The following MAMDC2 variants were observed in gnomAD, a reference collection of about 807,000 sequenced individuals.
MAMDC2 encodes MAM domain containing 2, also known as MAM domain-containing protein 2.
A neutral mutation model predicts 89.8 loss-of-function variants in MAMDC2; 57 were observed. That is an observed-to-expected ratio of 0.63 (90% CI 0.51 to 0.79). The LOEUF (loss-of-function observed/expected upper bound fraction) is 0.79. MAMDC2 is among the 30% of genes least tolerant of loss of function. MAMDC2 has a pLI of 0.00. For synonymous variants in MAMDC2, 313 were observed against 293.4 expected (o/e 1.07, Z -0.68); for missense variants, 800 against 820.6 (o/e 0.97, Z 0.31).
chr9:70,063,255 A>C (rs1827189304), intron 2 of MAMDC2: 1 of 152,238 alleles, frequency 6.6e-6, no homozygotes, highest in Non-Finnish European at 1.5e-5. Context: ...TCTGTCTCAA[A>C]AGAAAAAAAA....
At chr9:70,139,278 C>G (rs1475424189) in intron 7 of MAMDC2, among the ~76,000 whole-genome samples, 1 of 107,212 alleles carries the variant, frequency 9.3e-6, no homozygotes, top group Non-Finnish European at 1.9e-5. Flanking sequence ...CCCCTCCCCC[C>G]ACCCCACAAC....
intron 11 of MAMDC2, among the ~76,000 whole-genome samples, chr9:70,208,198 A>G (rs1341007131): frequency 1.3e-5 from 2 of 152,196 alleles, no homozygotes; most frequent in Non-Finnish European, 2.9e-5. Context: ...TGGGGATGGC[A>G]TTGAATCTAT....
In MAMDC2 at chr9:70,126,247, T is replaced by C. The variant is rs2030539828; in HGVS notation, c.732T>C (p.Ala244=). Residue 244 remains alanine, a synonymous_variant, in exon 6 of 14, where the codon GCT becomes GCC. Coordinates refer to ENST00000377182, the MANE Select transcript of MAMDC2 (RefSeq NM_153267.5). ...LISPLTTAPM[A]GCLSFYYQIQ... ...CCCCGTTGACCACGGCCCCCATGGC[T>C]GGCTGCCTGTCATTTTATTACCAGA... is the stretch of plus-strand genomic sequence containing the variant. 6.2e-7 allele frequency: 1 copy of C among 1,614,194 alleles called. No individual in the cohort carries two copies. Among genetic ancestry groups the C allele is most frequent in the Non-Finnish European group, 8.5e-7 (1 of 1,180,030 alleles).
intron 10 of MAMDC2, 77 bp from the exon 11 acceptor site, chr9:70,170,402 C>T: frequency 2.0e-6 from 3 of 1,484,598 alleles, no homozygotes; most frequent in Non-Finnish European, 2.7e-6. Context: ...AACATTCATA[C>T]ATGCAGAGTG....
At chr9:70,204,922 G>T (rs1036481800) in intron 11 of MAMDC2, among the ~76,000 whole-genome samples, 12 of 152,162 alleles carry the variant, frequency 7.9e-5, no homozygotes, top group African/African-American at 2.9e-4. Context: ...GCTCGCGCAT[G>T]GTGCGCACAC....
intron 2 of MAMDC2, among the ~76,000 whole-genome samples, chr9:70,085,375 GAAGAT>G (rs1236969912): frequency 2.6e-5 from 4 of 152,032 alleles, no homozygotes; most frequent in African/African-American, 9.7e-5. Flanking sequence ...CTGGAGCTTA[GAAGAT>G]TAGATTCTTT....
At chr9:70,196,439 A>G (rs1280902509) in intron 11 of MAMDC2, among the ~76,000 whole-genome samples, 1 of 152,128 alleles carries the variant, frequency 6.6e-6, no homozygotes, top group Admixed American at 6.6e-5. Context: ...ACATGTTCCA[A>G]TTGATGACAA....
chr9:70,211,120 G>A (rs12351189), intron 11 of MAMDC2, among the ~76,000 whole-genome samples: 119 of 152,186 alleles, frequency 7.8e-4, no homozygotes, highest in Non-Finnish European at 1.2e-3. Context: ...TGCTCTTCTC[G>A]AGGAGTATCT....
chr9:70,157,924 A>G (rs1161453376), intron 9 of MAMDC2, among the ~76,000 whole-genome samples: 1 of 152,210 alleles, frequency 6.6e-6, no homozygotes, highest in Admixed American at 6.5e-5. Flanking sequence ...TAACCAGAAA[A>G]TAAATGCACA....
At chr9:70,059,168 A>C (rs1827090823) in intron 2 of MAMDC2, among the ~76,000 whole-genome samples, 1 of 152,354 alleles carries the variant, frequency 6.6e-6, no homozygotes, top group Admixed American at 6.5e-5. Context: ...GAAGCAGGAA[A>C]CACCACAGAA....
At chr9:70,077,886 G>A (rs1274097386) in intron 2 of MAMDC2, among the ~76,000 whole-genome samples, 1 of 151,676 alleles carries the variant, frequency 6.6e-6, no homozygotes, top group African/African-American at 2.4e-5. Flanking sequence ...TGAAAGCCCA[G>A]CCCAAACAAC....
chr9:70,170,475 G>A lies in MAMDC2; in HGVS notation c.1499-4G>A, dbSNP rs2032304792. ...TGATTGCAACATCTGCTATTTTCTTGCAGAGAAACTTCCACCTCCACCTGG... is the reference window on the plus strand; with the variant it reads ...TGATTGCAACATCTGCTATTTTCTTACAGAGAAACTTCCACCTCCACCTGG... On this transcript the variant is annotated splice_region_variant and splice_polypyrimidine_tract_variant and intron_variant, in intron 10 of 13. Transcript: ENST00000377182. The A allele has an allele frequency of 8.1e-6, 13 of 1,600,522 alleles. No homozygotes were observed. The highest frequency in any genetic ancestry group is 1.3e-5 in the African/African-American group (1 of 74,192).
chr9:70,138,975 T>C (rs2031099076), intron 7 of MAMDC2, among the ~76,000 whole-genome samples: 1 of 152,134 alleles, frequency 6.6e-6, no homozygotes, highest in African/African-American at 2.4e-5. Flanking sequence ...ATATCTAAAA[T>C]CTTCATCTTA....
intron 5 of MAMDC2, among the ~76,000 whole-genome samples, chr9:70,117,901 G>A (rs2030082646): frequency 6.6e-6 from 1 of 152,180 alleles, no homozygotes; most frequent in South Asian, 2.1e-4. Flanking sequence ...AAACTTGCAA[G>A]CATGCACAGT....
chr9:70,096,068 G>A (rs1051456118), intron 2 of MAMDC2, among the ~76,000 whole-genome samples: 1 of 151,190 alleles, frequency 6.6e-6, no homozygotes, highest in African/African-American at 2.4e-5. Context: ...CTCTTGCCTG[G>A]GCTGGACTGC....
rs71364580 is a variant in MAMDC2, at chr9:70,130,008, C to CTGTGTGTGTGTG, written c.901-1484_901-1473dup. ...TCTGCCTTCATTTTCACATGGCATT[C>CTGTGTGTGTGTG]TGTGTGTGTGTGTGTGTGTGTGTGT... On this transcript the variant is annotated intron_variant, in intron 6 of 13. Coordinates refer to ENST00000377182, the MANE Select transcript of MAMDC2 (RefSeq NM_153267.5). Among the ~76,000 whole-genome samples the CTGTGTGTGTGTG allele has an allele frequency of 7.1e-3, 1,047 of 147,170 alleles. 10 individuals are homozygous for CTGTGTGTGTGTG. The highest frequency in any genetic ancestry group is 0.022 in the African/African-American group (873 of 39,300).
In MAMDC2 at chr9:70,131,624, C is replaced by T. The variant is rs371650766; in HGVS notation, c.994+12C>T. On this transcript the variant is annotated intron_variant, in intron 7 of 13. Transcript: ENST00000377182. ...CCAGAATCAGACAGGTGAGCATTCTCTATTTGTCATTGCATTTTGGGATGT... is the reference window on the plus strand; with the variant it reads ...CCAGAATCAGACAGGTGAGCATTCTTTATTTGTCATTGCATTTTGGGATGT... The T allele has an allele frequency of 1.3e-6, 2 of 1,583,232 alleles. No individual in the cohort carries two copies. The highest frequency in any genetic ancestry group is 1.7e-6 in the Non-Finnish European group (2 of 1,159,634).
chr9:70,215,219 G>T (rs1054598706), intron 11 of MAMDC2, among the ~76,000 whole-genome samples: 11 of 151,598 alleles, frequency 7.3e-5, no homozygotes, highest in African/African-American at 2.2e-4. Flanking sequence ...GCCAACGTAA[G>T]AATGTAATTC....
At chr9:70,209,931 G>A (rs543733480) in intron 11 of MAMDC2, among the ~76,000 whole-genome samples, 1 of 152,312 alleles carries the variant, frequency 6.6e-6, no homozygotes, top group African/African-American at 2.4e-5. Flanking sequence ...CAGTTTCCAT[G>A]TAGTTGAGCG....
Sources: gnomAD v4.1 joint callset for allele counts (sites outside exome capture counted in the v4.1 genomes callset) on GRCh38, gnomAD v4.1.1 for gene constraint, MANE v1.5 for transcripts, NCBI Gene and HGNC (gene_info 2026-07-23, HGNC 2026-07-21) for gene names.